INF2: variants seen among roughly 807,000 people sequenced by gnomAD.
INF2 encodes the protein inverted formin-2.
In INF2, 43 loss-of-function variants were observed where a neutral mutation model predicts 123.5. That is an observed-to-expected ratio of 0.35 (90% confidence interval 0.27 to 0.45). INF2 has a LOEUF of 0.45. Among genes scored for constraint, INF2 ranks in the 20% least tolerant of loss-of-function variants. The pLI, the probability that INF2 is intolerant of heterozygous loss-of-function variation, is 1.00. For synonymous variants in INF2, 851 were observed against 745.0 expected (o/e 1.14, Z -2.32); for missense variants, 1,453 against 1,682.7 (o/e 0.86, Z 2.39).
intron 1 of INF2, among the ~76,000 whole-genome samples, chr14:104,683,253 C>T (rs4994395): frequency 0.26 from 37,784 of 147,932 alleles, 2,076 homozygotes; most frequent in African/African-American, 0.36. Flanking sequence ...TAGAGTGACC[C>T]CTCCGTGGCT....
chr14:104,693,612 G>A (rs1364885331), intron 1 of INF2, among the ~76,000 whole-genome samples: 4 of 152,214 alleles, frequency 2.6e-5, no homozygotes, highest in South Asian at 2.1e-4. Context: ...CCAGCCCCTC[G>A]CTCTGCCCAG....
chr14:104,718,588 G>A (rs1890427687), intron 22 of INF2, among the ~76,000 whole-genome samples: 1 of 152,196 alleles, frequency 6.6e-6, no homozygotes, highest in Non-Finnish European at 1.5e-5. Flanking sequence ...AACCCAGCCT[G>A]GCCAGGCCAG....
chr14:104,706,787 T>C, intron 6 of INF2, 123 bp from the exon 7 acceptor site: 1 of 1,105,446 alleles, frequency 9.0e-7, no homozygotes, highest in African/African-American at 1.6e-5. Flanking sequence ...GAAACTCTCA[T>C]CTCTAGGGAT....
At chr14:104,685,108 A>G (rs773293607), upstream of INF2, among the ~76,000 whole-genome samples, 6 of 152,212 alleles carry the variant, frequency 3.9e-5, no homozygotes, top group Non-Finnish European at 7.3e-5. Flanking sequence ...GCAAATTTGC[A>G]AGTACAGAAT....
chr14:104,683,112 G>C (rs1263185198), intron 1 of INF2, among the ~76,000 whole-genome samples: 1 of 144,348 alleles, frequency 6.9e-6, no homozygotes, highest in Admixed American at 7.3e-5. Context: ...TGTTAATGTT[G>C]AAAACCCAAG....
intron 16 of INF2, 80 bp from the exon 17 acceptor site, chr14:104,712,353 G>T (rs972839859): frequency 7.7e-5 from 122 of 1,587,830 alleles, no homozygotes; most frequent in Non-Finnish European, 9.6e-5. Flanking sequence ...GTGCCGGGGG[G>T]TGCAGGGGAG....
chr14:104,715,922 C>T (rs1168248781), intron 22 of INF2: 1 of 456,104 alleles, frequency 2.2e-6, no homozygotes, highest in Non-Finnish European at 4.4e-6. Flanking sequence ...ACAGTGTCCT[C>T]CCACCCCGAG....
chr14:104,699,501 G>A lies in INF2; in HGVS notation c.-9-1856G>A, dbSNP rs980342866. 1.7e-5 allele frequency: 17 copies of A among 985,224 alleles called. No individual in the cohort carries two copies. In the South Asian group the frequency reaches 3.3e-4, roughly 19 times the overall value. 61.0% of individuals were successfully genotyped at this position (985,224 alleles called of 1,614,324 possible). On this transcript the variant is annotated intron_variant, in intron 1 of 22. Coordinates refer to ENST00000392634, the MANE Select transcript of INF2 (RefSeq NM_022489.4). This position sits in a 1 kb window ranked among gnomAD's most constrained non-coding sequence, Gnocchi z 4.7. ...ACCCGGCTGTCTCTGGCAGCTCAGC[G>A]GTCAGCAGCGATGAGAAGCCAGGGG...
At chr14:104,700,891 C>G (rs1474041706) in intron 1 of INF2, 8 of 984,456 alleles carry the variant, frequency 8.1e-6, no homozygotes, top group African/African-American at 1.7e-5. Context: ...TCCATATTGT[C>G]CACTGGGGCG....
At position 104,684,136 on chromosome 14, in the gene INF2, C is replaced by T. The variant is rs979144695; in HGVS notation, c.-104+2554C>T. 1 of 455,854 alleles carries T rather than the reference C, an allele frequency of 2.2e-6. No individual in the cohort carries two copies. The highest frequency in any genetic ancestry group is 2.0e-5 in the African/African-American group (1 of 50,072). 28.2% of individuals were successfully genotyped at this position (455,854 alleles called of 1,614,324 possible). On this transcript the variant is annotated intron_variant, in intron 1 of 2. Transcript: ENST00000674723. The surrounding 1 kb of genome is among the most constrained non-coding windows in gnomAD (Gnocchi z 5.0). The stretch of plus-strand genomic sequence containing the variant: ...AGACAGTTCAAAGCTGAGCGGCTCT[C>T]CCCATCATGCAAGTAACCTGCGTGC...
At chr14:104,695,425 G>A (rs1055232799) in intron 1 of INF2, among the ~76,000 whole-genome samples, 1 of 152,166 alleles carries the variant, frequency 6.6e-6, no homozygotes, top group African/African-American at 2.4e-5. Flanking sequence ...GTGCAGTGGA[G>A]ACACTGTGGC....
rs1890141113 is a variant in INF2 at position 104,713,268 on chromosome 14, A to G, written c.2837A>G (p.Glu946Gly). The change falls in exon 19 of 23, where the codon GAG becomes GGG. Residue 946 changes from glutamate (E) to glycine (G), a missense_variant. By Grantham distance (98) the Glu-to-Gly change is moderately conservative. Transcript: ENST00000392634. ...GAGAGGAGGAAGCAGCAGCTGGCGG[A>G]GGAGGAGGCGCGGCGGCCTCGGGGA... ...KAERRKQQLA[E>G]EEARRPRGED... 1 of 1,550,940 alleles carries G rather than the reference A, an allele frequency of 6.4e-7. No individual in the cohort carries two copies. Among genetic ancestry groups the G allele is most frequent in the Non-Finnish European group, 8.7e-7 (1 of 1,147,906 alleles).
At chr14:104,687,705 C>A (rs921014394), upstream of INF2, among the ~76,000 whole-genome samples, 1 of 152,132 alleles carries the variant, frequency 6.6e-6, no homozygotes, top group Non-Finnish European at 1.5e-5. This position sits in a 1 kb window ranked among gnomAD's most constrained non-coding sequence, Gnocchi z 5.6. Flanking sequence ...GCCCTGGGGG[C>A]GCTGGGCCTC....
chr14:104,707,657 C>G lies in INF2; in HGVS notation c.1390C>G (p.Pro464Ala). ...LPTAPPPPPL[P>A]GLGAMAPPAP... ...AACAGCACCCCCGCCCCCACCCCTG[C>G]CAGGCCTGGGGGCCATGGCCCCCCC... The change falls in exon 8 of 23, where the codon CCA (proline) becomes GCA (alanine). Residue 464 changes from proline (P) to alanine (A), a missense_variant. Physicochemically the swap from Pro to Ala is conservative, Grantham distance 27 (BLOSUM62 -1). This residue lies in a region of INF2 where 374 missense variants were observed against 303.7 expected (regional missense o/e 1.23). Coordinates refer to ENST00000392634, the MANE Select transcript of INF2 (RefSeq NM_022489.4). 9.8e-7 allele frequency: 1 copy of G among 1,017,830 alleles called. No individual in the cohort carries two copies. Among genetic ancestry groups the G allele is most frequent in the Non-Finnish European group, 1.4e-6 (1 of 696,748 alleles). The allele number at this position is 1,017,830 out of a possible 1,614,324, so 63.0% of individuals were successfully genotyped here.
upstream of INF2, among the ~76,000 whole-genome samples, chr14:104,688,475 G>A (rs926916705): frequency 3.3e-5 from 5 of 152,238 alleles, no homozygotes; most frequent in African/African-American, 4.8e-5. Flanking sequence ...AGCCCTGGCC[G>A]CCACGGCCCA....
upstream of INF2, among the ~76,000 whole-genome samples, chr14:104,687,481 C>CAT (rs1888694575): frequency 7.9e-6 from 1 of 126,276 alleles, no homozygotes; most frequent in Non-Finnish European, 1.8e-5. This position sits in a 1 kb window ranked among gnomAD's most constrained non-coding sequence, Gnocchi z 5.6. Context: ...CACACACATA[C>CAT]ACACACACAC....
intron 18 of INF2, 55 bp downstream of exon 18, chr14:104,713,047 C>T (rs1264179634): frequency 6.2e-6 from 10 of 1,609,276 alleles, no homozygotes; most frequent in Admixed American, 1.7e-5. Flanking sequence ...TCCCGAGGCC[C>T]CTGGCCTTCC....
intron 1 of INF2, among the ~76,000 whole-genome samples, chr14:104,682,034 C>T (rs1290313991): frequency 3.3e-5 from 5 of 152,092 alleles, no homozygotes; most frequent in Non-Finnish European, 5.9e-5. Flanking sequence ...GGGTGGGGGT[C>T]CCAGAAGAGC....
At chr14:104,706,781 C>A in intron 6 of INF2, 129 bp from the exon 7 acceptor site, 1 of 1,051,154 alleles carries the variant, frequency 9.5e-7, no homozygotes, top group South Asian at 1.6e-5. Context: ...GTCGCTGAAA[C>A]TCTCATCTCT....
Sources: gnomAD v4.1 joint callset for allele counts (sites outside exome capture counted in the v4.1 genomes callset) on GRCh38, gnomAD v4.1.1 for gene constraint, gnomAD v4.1.1 regional missense constraint, Gnocchi (gnomAD v3.1) non-coding constraint, MANE v1.5 for transcripts, NCBI Gene and HGNC (gene_info 2026-07-23, HGNC 2026-07-21) for gene names.